SLC25A36: variants seen among roughly 807,000 people sequenced by gnomAD.
The protein encoded by SLC25A36 is epididymis secretory sperm binding protein.
A neutral mutation model predicts 35.3 loss-of-function variants in SLC25A36; 24 were observed. The ratio of observed to expected loss-of-function variants is 0.68; its 90% confidence interval spans 0.49 to 0.96. SLC25A36 has a LOEUF of 0.96. Ranked by LOEUF, SLC25A36 falls within the 40% of genes least tolerant of loss-of-function variation. The probability of loss-of-function intolerance (pLI) is 0.00; values close to 1 mark genes in which losing one functional copy is unlikely to be tolerated. For missense variants in SLC25A36, 294 were observed against 381.1 expected (o/e 0.77, Z 1.90); for synonymous variants, 141 against 132.2 (o/e 1.07, Z -0.46).
At chr3:140,968,671 G>T in intron 4 of SLC25A36, 7 of 981,856 alleles carry the variant, frequency 7.1e-6, no homozygotes, top group Non-Finnish European at 8.5e-6. Context: ...TTATATATGG[G>T]TTTTTTTCCA....
Position 140,960,794 on chromosome 3 carries a change from A to G in SLC25A36, c.284+1254A>G, listed in dbSNP as rs570233857. On this transcript the variant is annotated intron_variant, in intron 3 of 6. Transcript: ENST00000324194. ...TTGTGAAGTAGTTTTTAAAAAAGTCAAAAGACAGAGAACAAGCAAAGGAAC... is the reference window on the plus strand; with the variant it reads ...TTGTGAAGTAGTTTTTAAAAAAGTCGAAAGACAGAGAACAAGCAAAGGAAC... Among the ~76,000 whole-genome samples, 3 of 151,862 alleles carry G rather than the reference A, an allele frequency of 2.0e-5. No homozygotes were observed. The South Asian group carries it at 6.2e-4, about 31-fold the overall frequency.
chr3:140,963,069 T>C, intron 3 of SLC25A36, 58 bp from the exon 4 acceptor site: 1 of 1,056,714 alleles, frequency 9.5e-7, no homozygotes, highest in Non-Finnish European at 1.4e-6. Flanking sequence ...GATCAATTTA[T>C]ATGTAAATCT....
intron 1 of SLC25A36, among the ~76,000 whole-genome samples, chr3:140,956,024 C>G (rs1209801953): frequency 6.6e-6 from 1 of 152,128 alleles, no homozygotes; most frequent in East Asian, 1.9e-4. Flanking sequence ...TGAAATACTT[C>G]TGAATATTTG....
intron 4 of SLC25A36, among the ~76,000 whole-genome samples, chr3:140,969,569 T>C (rs1934849322): frequency 6.6e-6 from 1 of 151,904 alleles, no homozygotes; most frequent in South Asian, 2.1e-4. Flanking sequence ...GTATAACGTC[T>C]GGCTATTTCT....
At chr3:140,960,580 C>T (rs755832454) in intron 3 of SLC25A36, among the ~76,000 whole-genome samples, 1 of 152,028 alleles carries the variant, frequency 6.6e-6, no homozygotes, top group Non-Finnish European at 1.5e-5. Flanking sequence ...ATTTGTGTAT[C>T]GTTGAAGGGC....
rs1935145333 is a variant in SLC25A36, at chr3:140,979,881, TCTAG to T, written c.*3431_*3434del. 3 of 152,236 alleles carry T rather than the reference TCTAG, an allele frequency of 2.0e-5. No homozygotes were observed. Among genetic ancestry groups the T allele is most frequent in the Admixed American group, 2.0e-4 (3 of 15,278 alleles). The allele number at this position is 152,236 out of a possible 1,614,324, so 9.4% of individuals were successfully genotyped here. On this transcript the variant is annotated 3_prime_UTR_variant, in exon 7 of 7. Coordinates refer to ENST00000324194, the MANE Select transcript of SLC25A36 (RefSeq NM_001104647.3). ...GTGCATTTACTCTGTATTTATGTTA[TCTAG>T]CTGACTTTTACTTGAATTGTTCAAA...
At chr3:140,967,766 GCTTT>G (rs1397839642) in intron 4 of SLC25A36, among the ~76,000 whole-genome samples, 31 of 151,782 alleles carry the variant, frequency 2.0e-4, no homozygotes, top group Admixed American at 2.0e-3. Context: ...AATTTTTTAA[GCTTT>G]CTAACATACT....
intron 1 of SLC25A36, among the ~76,000 whole-genome samples, chr3:140,956,081 C>A (rs1280341896): frequency 6.6e-6 from 1 of 152,172 alleles, no homozygotes; most frequent in African/African-American, 2.4e-5. Flanking sequence ...TCAGTGAGTT[C>A]TTCCTTATTG....
intron 4 of SLC25A36, chr3:140,970,462 A>G (rs1370375318): frequency 6.6e-6 from 1 of 152,636 alleles, no homozygotes; most frequent in Non-Finnish European, 1.5e-5. Context: ...AGATCAAACT[A>G]TTGGTAAAAT....
At chr3:140,975,302 C>T (rs950445088) in intron 6 of SLC25A36, among the ~76,000 whole-genome samples, 1 of 151,452 alleles carries the variant, frequency 6.6e-6, no homozygotes, top group African/African-American at 2.4e-5. Context: ...GAGACATAGT[C>T]TTGCTGGGTT....
At chr3:140,946,015 G>C (rs1053642137) in intron 1 of SLC25A36, among the ~76,000 whole-genome samples, 6 of 152,096 alleles carry the variant, frequency 3.9e-5, no homozygotes, top group African/African-American at 1.4e-4. Context: ...AGTATGAAAA[G>C]TTTACTGGTA....
chr3:140,973,987 A>G lies in SLC25A36; in HGVS notation c.724A>G (p.Thr242Ala), dbSNP rs766804645. The G allele has an allele frequency of 8.3e-6, 13 of 1,564,978 alleles. 1 individual carries two copies. Among genetic ancestry groups the G allele is most frequent in the South Asian group, 2.4e-5 (2 of 83,332 alleles). ...AAATSKTCAT[T>A]IAYPHEVVRT... ...TGCCACCTCAAAAACTTGTGCCACA[A>G]CTATAGCATATCCACATGGTAAGAA... The change falls in exon 6 of 7, where the codon ACT becomes GCT. Residue 242 changes from threonine to alanine, a missense_variant. Around this residue, in one of 2 missense-constraint regions of SLC25A36, gnomAD observed 109 missense variants for 179.7 expected, o/e 0.61. Transcript: ENST00000324194.
intron 6 of SLC25A36, 63 bp from the exon 7 acceptor site, chr3:140,976,197 C>G (rs1576490657): frequency 2.7e-6 from 3 of 1,094,042 alleles, no homozygotes; most frequent in Non-Finnish European, 4.0e-6. Context: ...GGGATGTGCT[C>G]AGTTATAATT....
At chr3:140,943,302 A>G (rs888228728) in intron 1 of SLC25A36, among the ~76,000 whole-genome samples, 2 of 152,200 alleles carry the variant, frequency 1.3e-5, no homozygotes, top group African/African-American at 4.8e-5. Context: ...TGAGTTGGAC[A>G]TATGGACTCT....
At chr3:140,970,900 G>C (rs1449224912) in intron 4 of SLC25A36, 27 bp from the exon 5 acceptor site, 3 of 1,087,952 alleles carry the variant, frequency 2.8e-6, no homozygotes, top group Non-Finnish European at 2.8e-6. Flanking sequence ...ATTTTTACCA[G>C]AGTTCATTTT....
chr3:140,954,711 T>G (rs1169924350), intron 1 of SLC25A36, among the ~76,000 whole-genome samples: 1 of 152,230 alleles, frequency 6.6e-6, no homozygotes, highest in East Asian at 1.9e-4. Context: ...TTGATTTTAT[T>G]CCTGACTGTA....
At chr3:140,945,113 G>A (rs910522561) in intron 1 of SLC25A36, among the ~76,000 whole-genome samples, 1 of 152,162 alleles carries the variant, frequency 6.6e-6, no homozygotes, top group Admixed American at 6.5e-5. Flanking sequence ...AATTAAAGCA[G>A]TAACAGGTTT....
intron 5 of SLC25A36, chr3:140,972,829 T>G (rs1934940856): frequency 6.6e-6 from 1 of 152,088 alleles, no homozygotes; most frequent in Non-Finnish European, 1.5e-5. Flanking sequence ...GGTAATTAAG[T>G]GGGTGTTGTA....
At chr3:140,966,942 T>C (rs1934774741) in intron 4 of SLC25A36, 1 of 456,284 alleles carries the variant, frequency 2.2e-6, no homozygotes, top group African/African-American at 2.0e-5. Flanking sequence ...AGGCATTTAC[T>C]GTACATTTCT....
Sources: gnomAD v4.1 joint callset for allele counts (sites outside exome capture counted in the v4.1 genomes callset) on GRCh38, gnomAD v4.1.1 for gene constraint, gnomAD v4.1.1 regional missense constraint, MANE v1.5 for transcripts, NCBI Gene and HGNC (gene_info 2026-07-23, HGNC 2026-07-21) for gene names.